CDK5RAP2: variants seen among roughly 807,000 people sequenced by gnomAD.
The protein encoded by CDK5RAP2 is CDK5 regulatory subunit associated protein 2.
Under a neutral mutation model 232.9 loss-of-function variants are expected in CDK5RAP2, and 147 were observed. The observed-to-expected ratio is 0.63, with a 90% confidence interval of 0.55 to 0.72. CDK5RAP2 has a LOEUF of 0.72. CDK5RAP2 is among the 30% of genes least tolerant of loss of function. The pLI, the probability that CDK5RAP2 is intolerant of heterozygous loss-of-function variation, is 0.00. For synonymous variants in CDK5RAP2, 833 were observed against 833.7 expected (o/e 1.00, Z 0.01); for missense variants, 2,195 against 2,231.5 (o/e 0.98, Z 0.33).
rs1337511637 is a variant in CDK5RAP2, at chr9:120,422,701, C to A, written c.3996G>T (p.Leu1332=). ...AAATGTTACACACTCACCTCTCCAT[C>A]AGTTCATTCTGGGTGTTCATTTCCA... ...VGVEMNTQNE[L]MERIEEDNLT... is the part of the protein sequence containing the mutation. The change falls in exon 26 of 38, where the codon CTG becomes CTT. Residue 1332 remains leucine (L), a synonymous_variant. Transcript: ENST00000349780. The A allele has an allele frequency of 3.1e-6, 5 of 1,612,012 alleles. No homozygotes were observed. The highest frequency in any genetic ancestry group is 4.2e-6 in the Non-Finnish European group (5 of 1,178,204).
chr9:120,491,937 T>G (rs1031984861), intron 12 of CDK5RAP2, among the ~76,000 whole-genome samples: 1 of 152,138 alleles, frequency 6.6e-6, no homozygotes, highest in Non-Finnish European at 1.5e-5. Flanking sequence ...GAATTGTGGG[T>G]AATTTTCCAT....
At chr9:120,573,268 G>C (rs909721527) in intron 1 of CDK5RAP2, among the ~76,000 whole-genome samples, 1 of 152,190 alleles carries the variant, frequency 6.6e-6, no homozygotes, top group African/African-American at 2.4e-5. Flanking sequence ...ATGTGTCCGG[G>C]CTGGGTGCAG....
chr9:120,434,593 G>A (rs556197006), intron 25 of CDK5RAP2, among the ~76,000 whole-genome samples: 6 of 152,242 alleles, frequency 3.9e-5, no homozygotes, highest in Non-Finnish European at 7.4e-5. Flanking sequence ...GAAGAGAGGC[G>A]AGCTGAAGCG....
chr9:120,409,049 G>A (rs1233115024), intron 30 of CDK5RAP2, 78 bp downstream of exon 30: 23 of 1,384,914 alleles, frequency 1.7e-5, no homozygotes, highest in Middle Eastern at 2.5e-4. Flanking sequence ...AGAGGCCTGC[G>A]TGCTGATTCC....
At chr9:120,425,526 A>G (rs930061813) in intron 25 of CDK5RAP2, among the ~76,000 whole-genome samples, 1 of 152,236 alleles carries the variant, frequency 6.6e-6, no homozygotes, top group African/African-American at 2.4e-5. Flanking sequence ...ACATCTAGTT[A>G]TCCCATCCAT....
intron 28 of CDK5RAP2, among the ~76,000 whole-genome samples, chr9:120,413,601 G>A (rs1201558346): frequency 2.0e-5 from 3 of 152,210 alleles, no homozygotes; most frequent in Non-Finnish European, 4.4e-5. Context: ...ATTGTAGCTG[G>A]TGGCCATTTG....
At chr9:120,477,554 C>G in intron 14 of CDK5RAP2, 104 bp from the exon 15 acceptor site, 1 of 927,132 alleles carries the variant, frequency 1.1e-6, no homozygotes, top group Non-Finnish European at 1.7e-6. Context: ...TAAAATCAAA[C>G]GAAGGTGAGA....
chr9:120,558,371 CAAAAAA>C (rs60669308), intron 3 of CDK5RAP2, among the ~76,000 whole-genome samples: 9 of 40,076 alleles, frequency 2.2e-4, no homozygotes, highest in African/African-American at 6.4e-4. Context: ...GACTCCGTCT[CAAAAAA>C]AAAAAAAAAA....
intron 23 of CDK5RAP2, among the ~76,000 whole-genome samples, chr9:120,443,246 C>T (rs1426298167): frequency 1.3e-5 from 2 of 152,188 alleles, no homozygotes; most frequent in East Asian, 3.9e-4. Context: ...ACCTCAGCAA[C>T]AGGCAGCCCC....
intron 20 of CDK5RAP2, 91 bp from the exon 21 acceptor site, chr9:120,453,964 G>A (rs2036615498): frequency 1.5e-6 from 2 of 1,299,374 alleles, no homozygotes; most frequent in Non-Finnish European, 2.2e-6. Flanking sequence ...CCCACCTACT[G>A]TTGCCCAGAT....
intron 25 of CDK5RAP2, among the ~76,000 whole-genome samples, chr9:120,423,697 A>G (rs1269446745): frequency 1.3e-5 from 2 of 152,222 alleles, no homozygotes; most frequent in African/African-American, 4.8e-5. Flanking sequence ...ATGCGTGGCT[A>G]AAGAAAAAAA....
chr9:120,552,701 G>T (rs2042088390), intron 3 of CDK5RAP2, among the ~76,000 whole-genome samples: 1 of 111,918 alleles, frequency 8.9e-6, no homozygotes, highest in African/African-American at 3.4e-5. Context: ...TGTGGGGTGG[G>T]GGGAGGGGGG....
At chr9:120,503,763 G>A (rs1294802155) in intron 12 of CDK5RAP2, among the ~76,000 whole-genome samples, 1 of 152,060 alleles carries the variant, frequency 6.6e-6, no homozygotes, top group Non-Finnish European at 1.5e-5. Flanking sequence ...AGCAAATGAA[G>A]CCGTGTCACC....
At chr9:120,490,723 T>C (rs1259095993) in intron 13 of CDK5RAP2, among the ~76,000 whole-genome samples, 2 of 152,208 alleles carry the variant, frequency 1.3e-5, no homozygotes, top group Non-Finnish European at 2.9e-5. Flanking sequence ...CAAAATTCTG[T>C]TGACAACTCA....
intron 26 of CDK5RAP2, among the ~76,000 whole-genome samples, chr9:120,421,983 C>G (rs2131377912): frequency 6.6e-6 from 1 of 152,346 alleles, no homozygotes; most frequent in South Asian, 2.1e-4. Flanking sequence ...TGTGAAATGC[C>G]TACAACAGCA....
chr9:120,414,641 G>A (rs374388601), intron 28 of CDK5RAP2, among the ~76,000 whole-genome samples: 8 of 152,284 alleles, frequency 5.3e-5, no homozygotes, highest in Middle Eastern at 3.4e-3. Flanking sequence ...CTATGCCAGC[G>A]GGGTGGCGGG....
intron 24 of CDK5RAP2, among the ~76,000 whole-genome samples, chr9:120,437,969 T>C (rs1283711962): frequency 6.6e-6 from 1 of 152,214 alleles, no homozygotes; most frequent in Non-Finnish European, 1.5e-5. Context: ...ATAATCATGA[T>C]GCTAACTACC....
At chr9:120,440,031 C>G (rs1380428674) in intron 23 of CDK5RAP2, 59 bp from the exon 24 acceptor site, 2 of 1,486,274 alleles carry the variant, frequency 1.3e-6, no homozygotes, top group Non-Finnish European at 9.3e-7. Flanking sequence ...ACCCTCTCTC[C>G]TTCCTCACAG....
At chr9:120,483,246 G>C (rs2038421284) in intron 14 of CDK5RAP2, among the ~76,000 whole-genome samples, 2 of 152,250 alleles carry the variant, frequency 1.3e-5, no homozygotes, top group African/African-American at 4.8e-5. Flanking sequence ...CCTCACCTGA[G>C]AACTGTCCCT....
Sources: allele counts gnomAD v4.1 joint callset (sites outside exome capture counted in the v4.1 genomes callset), GRCh38; gene constraint gnomAD v4.1.1; transcripts MANE v1.5; gene names NCBI Gene and HGNC (gene_info 2026-07-23, HGNC 2026-07-21).